Variants in ZNF827 observed in about 807,000 individuals in gnomAD.
ZNF827 encodes the protein zinc finger protein 827.
In ZNF827, 13 loss-of-function variants were observed where a neutral mutation model predicts 102.4. The observed-to-expected ratio is 0.13, with a 90% CI of 0.08 to 0.20. ZNF827 has a LOEUF of 0.20. ZNF827 is among the 10% of genes least tolerant of loss of function. The pLI, the probability that ZNF827 is intolerant of heterozygous loss-of-function variation, is 1.00. For missense variants in ZNF827, 1,103 were observed against 1,344.4 expected, an observed-to-expected ratio of 0.82 and a Z score of 2.81; for synonymous variants, 523 against 536.2, an observed-to-expected ratio of 0.98 and a Z score of 0.34.
At chr4:145,773,926 G>A (rs966451479) in intron 11 of ZNF827, among the ~76,000 whole-genome samples, 1 of 152,136 alleles carries the variant, frequency 6.6e-6, no homozygotes, top group African/African-American at 2.4e-5. Flanking sequence ...AGTGTTTCTC[G>A]GGGCTGTCAG....
chr4:145,796,946 A>T (rs923471601), intron 8 of ZNF827, among the ~76,000 whole-genome samples: 6 of 151,964 alleles, frequency 3.9e-5, no homozygotes, highest in South Asian at 2.1e-4. Flanking sequence ...TGTTCCTCCT[A>T]ACAACCCATG....
At chr4:145,798,174 C>G (rs1376924905) in intron 8 of ZNF827, among the ~76,000 whole-genome samples, 1 of 152,204 alleles carries the variant, frequency 6.6e-6, no homozygotes, top group East Asian at 1.9e-4. Context: ...ATAGAAAAGA[C>G]AGCCTGCTCC....
At chr4:145,881,316 C>T (rs1229505305) in intron 4 of ZNF827, among the ~76,000 whole-genome samples, 3 of 152,178 alleles carry the variant, frequency 2.0e-5, no homozygotes, top group Non-Finnish European at 4.4e-5. Flanking sequence ...TCCATCTCTC[C>T]TAGTTAAAAT....
intron 5 of ZNF827, among the ~76,000 whole-genome samples, chr4:145,865,563 C>T (rs377638196): frequency 9.7e-4 from 147 of 152,304 alleles, no homozygotes; most frequent in Middle Eastern, 3.4e-3. Context: ...CTTATCCCCA[C>T]AAATTTCATG....
chr4:145,761,126 C>T lies in ZNF827; in HGVS notation c.*490G>A. On this transcript the variant is annotated 3_prime_UTR_variant, in exon 15 of 15. Coordinates refer to ENST00000508784, the MANE Select transcript of ZNF827 (RefSeq NM_001306215.2). The surrounding 1 kb of genome is among the most constrained non-coding windows in gnomAD (Gnocchi z 6.8). ...GAGCTCCCGACCACCAGGAGCGGGG[C>T]CCCCGGGCCGGCCGGTTCCTTGGGG... 1 of 1,289,492 alleles carries T rather than the reference C, an allele frequency of 7.8e-7. No individual in the cohort carries two copies. The highest frequency in any genetic ancestry group is 1.0e-6 in the Non-Finnish European group (1 of 988,644). The allele number at this position is 1,289,492 out of a possible 1,614,324, so 79.9% of individuals were successfully genotyped here. A position where few individuals can be genotyped will look rare whatever the true frequency, so the allele number is the denominator to read the frequency against.
At chr4:145,862,521 GAT>G (rs138780520) in intron 5 of ZNF827, among the ~76,000 whole-genome samples, 9 of 149,806 alleles carry the variant, frequency 6.0e-5, no homozygotes, top group African/African-American at 7.3e-5. Context: ...CCAGCCATGG[GAT>G]ATATATATAT....
At chr4:145,859,226 G>A (rs965804354) in intron 5 of ZNF827, among the ~76,000 whole-genome samples, 1 of 152,272 alleles carries the variant, frequency 6.6e-6, no homozygotes, top group South Asian at 2.1e-4. Flanking sequence ...CCATGCAGGT[G>A]AGGTCCTTAT....
chr4:145,917,746 C>CATATGCCA (rs1482387492), intron 1 of ZNF827, among the ~76,000 whole-genome samples: 3 of 136,448 alleles, frequency 2.2e-5, no homozygotes, highest in Non-Finnish European at 4.6e-5. Context: ...AAACAACATT[C>CATATGCCA]ATATGCCATT....
chr4:145,923,708 T>C (rs946229123), intron 1 of ZNF827, among the ~76,000 whole-genome samples: 10 of 152,350 alleles, frequency 6.6e-5, no homozygotes, highest in African/African-American at 2.4e-4. Context: ...CTCTTCTCAC[T>C]AAATCTCTTT....
intron 2 of ZNF827, among the ~76,000 whole-genome samples, chr4:145,896,743 C>T (rs1018284322): frequency 2.0e-5 from 3 of 152,124 alleles, no homozygotes; most frequent in African/African-American, 4.8e-5. Flanking sequence ...GATAAATGTT[C>T]GTGTACTTAG....
chr4:145,866,249 C>G (rs1255835243), intron 5 of ZNF827, among the ~76,000 whole-genome samples: 1 of 152,194 alleles, frequency 6.6e-6, no homozygotes, highest in African/African-American at 2.4e-5. Context: ...CAAAGGGGCC[C>G]TAATTACAGC....
intron 11 of ZNF827, among the ~76,000 whole-genome samples, chr4:145,766,635 G>A (rs1243131862): frequency 1.3e-5 from 2 of 152,156 alleles, no homozygotes; most frequent in Non-Finnish European, 2.9e-5. Context: ...CAACCCCAGA[G>A]ACACAGAGAG....
At chr4:145,894,295 A>G (rs540400280) in intron 2 of ZNF827, among the ~76,000 whole-genome samples, 14 of 152,342 alleles carry the variant, frequency 9.2e-5, no homozygotes, top group African/African-American at 3.4e-4. Context: ...ACTTCCTGGA[A>G]GCATACCCAG....
At chr4:145,849,293 A>G (rs1746295078) in intron 6 of ZNF827, 29 bp downstream of exon 6, 1 of 1,595,764 alleles carries the variant, frequency 6.3e-7, no homozygotes, top group African/African-American at 1.3e-5. Context: ...GATTTCCAAT[A>G]ATTGACATTT....
rs781593163 is a variant in ZNF827, at chr4:145,903,138, A to C, written c.121T>G (p.Ser41Ala). The change falls in exon 2 of 15, where the codon TCA becomes GCA. Residue 41 changes from serine to alanine, a missense_variant. Physicochemically the swap from Ser to Ala is moderately conservative, Grantham distance 99. Transcript: ENST00000508784. ...HWYGNSSETP[S>A]EASYGEVQEN... The stretch of plus-strand genomic sequence containing the variant: ...TGGACTTCCCCATAGGATGCTTCTG[A>C]CGGAGTCTCTGAAGAGTTTCCATAC... 6.2e-7 allele frequency: 1 copy of C among 1,614,234 alleles called. No homozygotes were observed. Among genetic ancestry groups the C allele is most frequent in the South Asian group, 1.1e-5 (1 of 91,080 alleles).
intron 2 of ZNF827, among the ~76,000 whole-genome samples, chr4:145,900,729 C>T (rs1313284393): frequency 6.6e-6 from 1 of 152,066 alleles, no homozygotes; most frequent in African/African-American, 2.4e-5. Flanking sequence ...ATTTTATATA[C>T]AGCCATACCT....
Position 145,835,598 on chromosome 4 carries a change from C to T in ZNF827, c.2279+10358G>A, listed in dbSNP as rs1744748355. On this transcript the variant is annotated intron_variant, in intron 7 of 14. Transcript: ENST00000508784. ...GCCGCCCTTCTTCCCAATCCAAAGC[C>T]TCCTTTGCGTCCTCCTCTTGTATCC... Among the ~76,000 whole-genome samples the T allele has an allele frequency of 2.0e-5, 3 of 150,230 alleles. No homozygotes were observed. In the South Asian group the frequency reaches 6.6e-4, roughly 33 times the overall value.
chr4:145,892,909 C>G (rs867747792), intron 2 of ZNF827, among the ~76,000 whole-genome samples: 4 of 152,258 alleles, frequency 2.6e-5, no homozygotes, highest in Admixed American at 6.5e-5. Context: ...GAAAACCAAA[C>G]AGCTAGCATA....
At position 145,793,491 on chromosome 4, in the gene ZNF827, G is replaced by C. The variant is rs139799696; in HGVS notation, c.2384-13980C>G. 1.0e-3 allele frequency among the ~76,000 whole-genome samples: 155 copies of C among 151,334 alleles called. No homozygotes were observed. In the Middle Eastern group the frequency reaches 0.014, roughly 13 times the overall value. ...CAAGGGCAGGAAGCATCCAGCATGG[G>C]AGAAAGATGTCGGCTGGGAGGCTAG... On this transcript the variant is annotated intron_variant, in intron 8 of 14. Transcript: ENST00000508784.
Sources: gnomAD v4.1 joint callset for allele counts (sites outside exome capture counted in the v4.1 genomes callset) on GRCh38, gnomAD v4.1.1 for gene constraint, Gnocchi (gnomAD v3.1) non-coding constraint, MANE v1.5 for transcripts, NCBI Gene and HGNC (gene_info 2026-07-23, HGNC 2026-07-21) for gene names.